NRG3: variants seen among roughly 807,000 people sequenced by gnomAD.
NRG3 encodes neuregulin 3.
In NRG3, 31 loss-of-function variants were observed where a neutral mutation model predicts 66.9. That is an observed-to-expected ratio of 0.46 (90% CI 0.35 to 0.63). The LOEUF (loss-of-function observed/expected upper bound fraction) is 0.63. NRG3 is among the 20% of genes least tolerant of loss of function. The pLI is 0.00. For missense variants in NRG3, 910 were observed against 878.9 expected (o/e 1.04, Z -0.45); for synonymous variants, 393 against 359.4 (o/e 1.09, Z -1.06).
chr10:82,901,939 C>T (rs959169593), intron 4 of NRG3, among the ~76,000 whole-genome samples: 2 of 152,094 alleles, frequency 1.3e-5, no homozygotes, highest in Non-Finnish European at 2.9e-5. Context: ...TTAAAGTATA[C>T]CCCTTATATA....
chr10:82,690,185 G>T (rs1170869160), intron 2 of NRG3, among the ~76,000 whole-genome samples: 1 of 152,076 alleles, frequency 6.6e-6, no homozygotes, highest in Non-Finnish European at 1.5e-5. Context: ...AAATAGAATG[G>T]CCAGTGAGAA....
At chr10:82,278,807 A>G (rs1428817138) in intron 1 of NRG3, among the ~76,000 whole-genome samples, 2 of 152,120 alleles carry the variant, frequency 1.3e-5, no homozygotes, top group Admixed American at 6.6e-5. Flanking sequence ...GCTAAAAAGT[A>G]TTAGAAGTCG....
chr10:82,129,351 A>G (rs550650700), intron 1 of NRG3, among the ~76,000 whole-genome samples: 2 of 152,222 alleles, frequency 1.3e-5, no homozygotes, highest in South Asian at 4.1e-4. Context: ...GGTTAGTTTA[A>G]AGTTAGTCTT....
In NRG3 at chr10:81,946,991, G is replaced by A. The variant is rs1848902493; in HGVS notation, c.823+70828G>A. 1.3e-5 allele frequency among the ~76,000 whole-genome samples: 2 copies of A among 152,156 alleles called. 1 individual carries two copies. Among genetic ancestry groups the A allele is most frequent in the African/African-American group, 4.8e-5 (2 of 41,448 alleles). ...CTGGGTGGCTTAGAACAACAGAAAT[G>A]TATTGTCTCATCATTCTGGAGGCTA... On this transcript the variant is annotated intron_variant, in intron 1 of 8. Coordinates refer to ENST00000372141, the MANE Select transcript of NRG3 (RefSeq NM_001010848.4).
At chr10:81,919,018 C>G (rs889820090) in intron 1 of NRG3, among the ~76,000 whole-genome samples, 3 of 151,850 alleles carry the variant, frequency 2.0e-5, no homozygotes, top group East Asian at 1.9e-4. Context: ...CACACACACA[C>G]AGCTTTGGTT....
At chr10:82,976,270 G>T (rs1013619229) in intron 7 of NRG3, among the ~76,000 whole-genome samples, 2 of 152,104 alleles carry the variant, frequency 1.3e-5, no homozygotes, top group Non-Finnish European at 2.9e-5. Flanking sequence ...TGGCCAGGCT[G>T]GTCTTGAAGT....
intron 1 of NRG3, among the ~76,000 whole-genome samples, chr10:82,098,277 T>C (rs189851449): frequency 1.3e-5 from 2 of 151,536 alleles, no homozygotes; most frequent in East Asian, 3.9e-4. Context: ...ATGTCATATA[T>C]ATATGTCATT....
chr10:82,727,519 A>T (rs191845512), intron 2 of NRG3, among the ~76,000 whole-genome samples: 9 of 152,364 alleles, frequency 5.9e-5, no homozygotes, highest in African/African-American at 2.2e-4. Context: ...GGTACACAAA[A>T]GTCAAGAATT....
At chr10:82,856,522 A>G (rs756276002) in intron 3 of NRG3, among the ~76,000 whole-genome samples, 3 of 152,098 alleles carry the variant, frequency 2.0e-5, no homozygotes, top group Non-Finnish European at 4.4e-5. Flanking sequence ...AGGTGGGCGG[A>G]TCACTTAAGG....
Position 82,193,510 on chromosome 10 carries a change from A to G in NRG3, c.824-165229A>G, listed in dbSNP as rs142030543. ...AAAACTGATTGTAGAGGAACAAGAA[A>G]TGAAAGAAAGCAGATACAGAGAAAA... On this transcript the variant is annotated intron_variant, in intron 1 of 8. Transcript: ENST00000372141. 6.6e-5 allele frequency among the ~76,000 whole-genome samples: 10 copies of G among 152,314 alleles called. No homozygotes were observed. The East Asian group carries it at 1.7e-3, about 26-fold the overall frequency.
At chr10:82,858,888 A>T (rs2063953425) in intron 3 of NRG3, among the ~76,000 whole-genome samples, 1 of 150,398 alleles carries the variant, frequency 6.6e-6, no homozygotes. Flanking sequence ...CTAGGAGGGA[A>T]TTGGGGGATT....
chr10:82,083,228 A>G (rs376852658), intron 1 of NRG3, among the ~76,000 whole-genome samples: 3 of 152,104 alleles, frequency 2.0e-5, no homozygotes, highest in African/African-American at 7.2e-5. Flanking sequence ...TGTCCCATAT[A>G]TACCTATTGA....
At chr10:82,662,288 G>A (rs1239543558) in intron 2 of NRG3, among the ~76,000 whole-genome samples, 2 of 151,766 alleles carry the variant, frequency 1.3e-5, no homozygotes, top group Non-Finnish European at 2.9e-5. Flanking sequence ...TGGACTGTTT[G>A]TCCACCAGGT....
intron 1 of NRG3, among the ~76,000 whole-genome samples, chr10:82,209,559 C>T (rs1314910265): frequency 6.6e-6 from 1 of 152,082 alleles, no homozygotes; most frequent in Non-Finnish European, 1.5e-5. Context: ...CAAAATATGA[C>T]CACTGCATTT....
At chr10:82,256,012 C>T (rs1275104833) in intron 1 of NRG3, among the ~76,000 whole-genome samples, 1 of 152,100 alleles carries the variant, frequency 6.6e-6, no homozygotes, top group African/African-American at 2.4e-5. Flanking sequence ...CAACCTCCAT[C>T]TCCTGGGTTC....
chr10:82,051,285 A>G (rs2063578863), intron 1 of NRG3, among the ~76,000 whole-genome samples: 1 of 151,732 alleles, frequency 6.6e-6, no homozygotes, highest in African/African-American at 2.4e-5. Flanking sequence ...GGAACTCAGG[A>G]AACCAGAGGA....
chr10:81,937,205 C>T (rs1303194773), intron 1 of NRG3, among the ~76,000 whole-genome samples: 1 of 152,158 alleles, frequency 6.6e-6, no homozygotes, highest in African/African-American at 2.4e-5. Flanking sequence ...GCTTCCACCT[C>T]TTGGCTATTG....
At chr10:82,373,292 C>T (rs1214256343) in intron 2 of NRG3, among the ~76,000 whole-genome samples, 1 of 152,192 alleles carries the variant, frequency 6.6e-6, no homozygotes, top group Admixed American at 6.5e-5. Flanking sequence ...ATCCAAAATA[C>T]AGTTATAGCT....
chr10:81,880,551 CCT>C (rs1167181014), intron 1 of NRG3, among the ~76,000 whole-genome samples: 2 of 152,166 alleles, frequency 1.3e-5, no homozygotes, highest in African/African-American at 2.4e-5. Context: ...TACCATCTCT[CCT>C]CTCTCTGGAG....
Sources: gnomAD v4.1 joint callset for allele counts (sites outside exome capture counted in the v4.1 genomes callset) on GRCh38, gnomAD v4.1.1 for gene constraint, MANE v1.5 for transcripts, NCBI Gene and HGNC (gene_info 2026-07-23, HGNC 2026-07-21) for gene names.